The following PTPN4 variants were observed in gnomAD, a reference collection of about 807,000 sequenced individuals.
The protein encoded by PTPN4 is tyrosine-protein phosphatase non-receptor type 4.
PTPN4 carries 49 observed loss-of-function variants against 135.5 expected under a neutral mutation model. The ratio of observed to expected loss-of-function variants is 0.36; its 90% confidence interval spans 0.29 to 0.46. The LOEUF (loss-of-function observed/expected upper bound fraction) is 0.46. PTPN4 is among the 20% of genes least tolerant of loss of function. The probability of loss-of-function intolerance (pLI) is 1.00; values close to 1 mark genes in which losing one functional copy is unlikely to be tolerated. For synonymous variants in PTPN4, 333 were observed against 369.9 expected (o/e 0.90, Z 1.14); for missense variants, 860 against 1,101.0 (o/e 0.78, Z 3.10).
At chr2:119,777,822 T>C (rs1401131498) in intron 1 of PTPN4, among the ~76,000 whole-genome samples, 1 of 140,492 alleles carries the variant, frequency 7.1e-6, no homozygotes, top group East Asian at 2.0e-4. Context: ...GCCCAGCTAA[T>C]TTTTTTTTTT....
intron 12 of PTPN4, among the ~76,000 whole-genome samples, chr2:119,920,745 T>C (rs1380084384): frequency 6.6e-6 from 1 of 152,194 alleles, no homozygotes; most frequent in Non-Finnish European, 1.5e-5. Context: ...TTTCCTAAAA[T>C]TGTTTTATTC....
At chr2:119,926,456 C>A in intron 12 of PTPN4, 142 bp from the exon 13 acceptor site, 1 of 488,150 alleles carries the variant, frequency 2.0e-6, no homozygotes, top group Non-Finnish European at 3.6e-6. Context: ...GAATGTTGTC[C>A]AGTCTTTTTA....
At chr2:119,850,392 G>T (rs545119616) in intron 2 of PTPN4, among the ~76,000 whole-genome samples, 2 of 152,232 alleles carry the variant, frequency 1.3e-5, no homozygotes, top group African/African-American at 4.8e-5. Context: ...TGGACCATCT[G>T]TGTCTGAGGT....
intron 2 of PTPN4, among the ~76,000 whole-genome samples, chr2:119,844,655 G>C (rs2104973792): frequency 6.6e-6 from 1 of 151,702 alleles, no homozygotes; most frequent in South Asian, 2.1e-4. Context: ...TCAGAGGATG[G>C]GCGGCCGGGC....
intron 12 of PTPN4, among the ~76,000 whole-genome samples, chr2:119,923,955 G>T (rs1004013615): frequency 1.3e-5 from 2 of 152,002 alleles, no homozygotes; most frequent in African/African-American, 4.8e-5. Flanking sequence ...GGCTAATGCG[G>T]TGAAACCCTG....
intron 3 of PTPN4, among the ~76,000 whole-genome samples, chr2:119,864,134 C>T (rs968089428): frequency 3.3e-5 from 5 of 152,096 alleles, no homozygotes; most frequent in African/African-American, 1.2e-4. Flanking sequence ...AATTGTTCTT[C>T]AGGAATTCTC....
At chr2:119,858,755 C>T (rs1056170921) in intron 2 of PTPN4, among the ~76,000 whole-genome samples, 4 of 152,002 alleles carry the variant, frequency 2.6e-5, no homozygotes, top group African/African-American at 9.7e-5. Context: ...GCCTCAGCCT[C>T]CCGGGTAGCT....
At chr2:119,806,143 A>G (rs893661788) in intron 1 of PTPN4, among the ~76,000 whole-genome samples, 1 of 152,220 alleles carries the variant, frequency 6.6e-6, no homozygotes, top group Non-Finnish European at 1.5e-5. Context: ...TGTAAAGACC[A>G]TCGATGCTAG....
intron 2 of PTPN4, among the ~76,000 whole-genome samples, chr2:119,832,612 T>C (rs551228757): frequency 6.6e-6 from 1 of 152,262 alleles, no homozygotes; most frequent in African/African-American, 2.4e-5. Flanking sequence ...TTTTTCTTAC[T>C]GATTTTTCAA....
intron 2 of PTPN4, among the ~76,000 whole-genome samples, chr2:119,814,571 A>G (rs564573632): frequency 1.3e-3 from 203 of 152,272 alleles, no homozygotes; most frequent in Non-Finnish European, 2.4e-3. Context: ...GGCCTTTCTC[A>G]CACTGTTAAC....
chr2:119,822,801 C>T (rs1273819734), intron 2 of PTPN4, among the ~76,000 whole-genome samples: 1 of 152,078 alleles, frequency 6.6e-6, no homozygotes, highest in Non-Finnish European at 1.5e-5. Context: ...ATTTTCAGTC[C>T]ATCACATTTA....
intron 18 of PTPN4, among the ~76,000 whole-genome samples, chr2:119,949,866 G>C (rs1679187735): frequency 1.3e-5 from 2 of 151,444 alleles, no homozygotes; most frequent in South Asian, 2.1e-4. Flanking sequence ...GACCCTGTCT[G>C]AAATACACAC....
At chr2:119,766,472 GTGTGTGTGTGT>G (rs1558718966) in intron 1 of PTPN4, among the ~76,000 whole-genome samples, 10 of 135,946 alleles carry the variant, frequency 7.4e-5, no homozygotes, top group African/African-American at 3.0e-4. Context: ...GTGTGTGTGT[GTGTGTGTGTGT>G]CTGTGTGTGT....
intron 26 of PTPN4, among the ~76,000 whole-genome samples, chr2:119,973,652 CTTGTTTTTT>C (rs1679568599): frequency 5.5e-5 from 1 of 18,090 alleles, no homozygotes; most frequent in African/African-American, 2.5e-4. Context: ...TCCTTCATTT[CTTGTTTTTT>C]TTTTTTTTTT....
At chr2:119,973,812 C>T (rs1404870339) in intron 26 of PTPN4, among the ~76,000 whole-genome samples, 5 of 151,782 alleles carry the variant, frequency 3.3e-5, no homozygotes, top group African/African-American at 1.2e-4. Flanking sequence ...GCTTGAGCAT[C>T]TTAGGTCATA....
chr2:119,882,143 G>A lies in PTPN4; in HGVS notation c.460G>A (p.Val154Ile). Residue 154 changes from valine to isoleucine, a missense_variant, in exon 7 of 27, where the codon GTT becomes ATT. By Grantham distance (29) the Val-to-Ile change is conservative (BLOSUM62 3). Transcript: ENST00000263708. ...TGCTGCCCTTTTAGCTTCATTTGCT[G>A]TTCAGTGTAAGTATCAGCCCATTTT... ...NTAALLASFA[V>I]QSELGDYDQS... 1 of 1,608,466 alleles carries A rather than the reference G, an allele frequency of 6.2e-7. No homozygotes were observed. Among genetic ancestry groups the A allele is most frequent in the Non-Finnish European group, 8.5e-7 (1 of 1,175,132 alleles).
At chr2:119,900,188 C>G (rs924273953) in intron 9 of PTPN4, among the ~76,000 whole-genome samples, 2 of 152,052 alleles carry the variant, frequency 1.3e-5, no homozygotes, top group African/African-American at 4.8e-5. Flanking sequence ...CTTCTAAACT[C>G]TCTAAGAATT....
chr2:119,779,254 C>G (rs1038315385), intron 1 of PTPN4, among the ~76,000 whole-genome samples: 13 of 152,156 alleles, frequency 8.5e-5, no homozygotes, highest in Non-Finnish European at 1.3e-4. Flanking sequence ...ACATACAAAA[C>G]ATTGTGTAAT....
chr2:119,946,541 T>G lies in PTPN4; in HGVS notation c.1623T>G (p.Pro541=). The G allele has an allele frequency of 6.2e-7, 1 of 1,609,666 alleles. No individual in the cohort carries two copies. Among genetic ancestry groups the G allele is most frequent in the Non-Finnish European group, 8.5e-7 (1 of 1,177,334 alleles). The part of the protein sequence containing the change: ...NVKGGYDQKM[P]VIVSRVAPGT... Reference sequence around the variant, plus strand: ...AGGGAGGATATGATCAGAAGATGCCTGTGATTGTGTCTCGAGTAGCACCAG... The same window carrying G: ...AGGGAGGATATGATCAGAAGATGCCGGTGATTGTGTCTCGAGTAGCACCAG... Residue 541 remains proline, a synonymous_variant, in exon 18 of 27, where the codon CCT becomes CCG. Coordinates refer to ENST00000263708, the MANE Select transcript of PTPN4 (RefSeq NM_002830.4).
Sources: allele counts gnomAD v4.1 joint callset (sites outside exome capture counted in the v4.1 genomes callset), GRCh38; gene constraint gnomAD v4.1.1; transcripts MANE v1.5; gene names NCBI Gene and HGNC (gene_info 2026-07-23, HGNC 2026-07-21).